Variants in TET2 observed in about 807,000 individuals in gnomAD.
TET2 encodes the protein tet methylcytosine dioxygenase 2.
A neutral mutation model predicts 142.9 loss-of-function variants in TET2; 299 were observed. The observed-to-expected ratio is 2.09, with a 90% CI of 1.90 to 2.30. The LOEUF is 2.30. Ranked by LOEUF, TET2 falls within the 30% of genes most tolerant of loss-of-function variation. TET2 has a pLI of 0.00. For missense variants in TET2, 2,418 were observed against 2,378.0 expected, an observed-to-expected ratio of 1.02 and a Z score of -0.35; for synonymous variants, 819 against 849.0, an observed-to-expected ratio of 0.96 and a Z score of 0.61.
At chr4:105,257,213 C>T (rs1455927363) in intron 6 of TET2, among the ~76,000 whole-genome samples, 1 of 152,124 alleles carries the variant, frequency 6.6e-6, no homozygotes, top group African/African-American at 2.4e-5. Context: ...GCAGGAGCAT[C>T]ACTTAAGCCC....
intron 2 of TET2, among the ~76,000 whole-genome samples, chr4:105,233,402 G>T (rs79619992): frequency 5.5e-5 from 3 of 54,776 alleles, no homozygotes; most frequent in Admixed American, 1.5e-4. Context: ...AAAAAAAAAA[G>T]CTACTGCAGT....
Position 105,236,189 on chromosome 4 carries a change from A to C in TET2, c.2247A>C (p.Gln749His). 6.2e-7 allele frequency: 1 copy of C among 1,614,058 alleles called. No individual in the cohort carries two copies. The highest frequency in any genetic ancestry group is 1.1e-5 in the South Asian group (1 of 91,086). The change falls in exon 3 of 11, where the codon CAA (glutamine) becomes CAC (histidine). Residue 749 changes from glutamine to histidine, a missense_variant. By Grantham distance (24) the Gln-to-His change is conservative (BLOSUM62 0). Coordinates refer to ENST00000380013, the MANE Select transcript of TET2 (RefSeq NM_001127208.3). ...PQNQQQQQKL[Q>H]IKNKEEILQT... ...ACCAGCAACAGCAGCAAAAATTACA[A>C]ATAAAGAATAAAGAGGAAATACTCC...
intron 2 of TET2, among the ~76,000 whole-genome samples, chr4:105,229,065 G>C (rs1389315721): frequency 6.6e-6 from 1 of 152,076 alleles, no homozygotes; most frequent in African/African-American, 2.4e-5. Flanking sequence ...ATTTAAAATA[G>C]TTCAACATGT....
chr4:105,272,810 G>A lies in TET2; in HGVS notation c.4429G>A (p.Glu1477Lys). The change falls in exon 10 of 11, where the codon GAA becomes AAA. Residue 1477 changes from glutamate (E) to lysine (K), a missense_variant. Coordinates refer to ENST00000380013, the MANE Select transcript of TET2 (RefSeq NM_001127208.3). ...ACTAGAAGCCAAGAAAGCTGCAGCT[G>A]AAAAGCTTTCCTCCCTGGAGAACAG... ...RKLEAKKAAA[E>K]KLSSLENSSN... The A allele has an allele frequency of 6.4e-7, 1 of 1,551,638 alleles. No individual in the cohort carries two copies. The highest frequency in any genetic ancestry group is 1.4e-5 in the African/African-American group (1 of 73,142).
Position 105,259,749 on chromosome 4 carries a change from CT to C in TET2, c.3936del (p.Asp1314MetfsTer49). On this transcript the variant is annotated frameshift_variant, in exon 7 of 11. Coordinates refer to ENST00000380013, the MANE Select transcript of TET2 (RefSeq NM_001127208.3). LOFTEE classifies it high-confidence loss of function. ...RSKIPRKFKL[L>X]GDDPKEEEKL... ...CAAGATCCCAAGGAAGTTTAAGCTG[CT>C]TGGGGATGACCCAAAAGAGGTTTGT... The C allele has an allele frequency of 6.4e-7, 1 of 1,550,794 alleles. No homozygotes were observed. The highest frequency in any genetic ancestry group is 8.7e-7 in the Non-Finnish European group (1 of 1,146,388).
chr4:105,273,129 C>A (rs536584973), intron 10 of TET2, among the ~76,000 whole-genome samples: 68 of 152,264 alleles, frequency 4.5e-4, no homozygotes, highest in Admixed American at 7.2e-4. Context: ...TCCTGATGCA[C>A]CCCTACCAAT....
chr4:105,157,915 G>A (rs1723647369), intron 1 of TET2, among the ~76,000 whole-genome samples: 1 of 152,134 alleles, frequency 6.6e-6, no homozygotes, highest in Non-Finnish European at 1.5e-5. Context: ...GACCTCTAGT[G>A]ATCCACCCCC....
intron 1 of TET2, among the ~76,000 whole-genome samples, chr4:105,168,937 G>A (rs1331595131): frequency 2.6e-5 from 4 of 152,278 alleles, no homozygotes; most frequent in Non-Finnish European, 4.4e-5. Flanking sequence ...TTATGGCTGA[G>A]TAGTATTCCA....
intron 1 of TET2, among the ~76,000 whole-genome samples, chr4:105,158,148 G>A (rs1478819649): frequency 6.6e-6 from 1 of 152,108 alleles, no homozygotes; most frequent in Non-Finnish European, 1.5e-5. Flanking sequence ...TCTAGGGTAT[G>A]GCATTTTAAA....
At chr4:105,169,854 T>A (rs558813197) in intron 1 of TET2, among the ~76,000 whole-genome samples, 2 of 152,072 alleles carry the variant, frequency 1.3e-5, no homozygotes, top group Non-Finnish European at 2.9e-5. Flanking sequence ...ACCTACTAAT[T>A]TATGTTTTTG....
Position 105,234,224 on chromosome 4 carries a change from A to G in TET2, c.282A>G (p.Ile94Met), listed in dbSNP as rs751546312. ...CCAAGTGTTTGCAAAATGGAGGAATAAAACGCACAGTTAGTGAACCTTCTC... is the reference window on the plus strand; with the variant it reads ...CCAAGTGTTTGCAAAATGGAGGAATGAAACGCACAGTTAGTGAACCTTCTC... The part of the protein sequence containing the change: ...GYSKCLQNGG[I>M]KRTVSEPSLS... The change falls in exon 3 of 11, where the codon ATA becomes ATG. Residue 94 changes from isoleucine to methionine, a missense_variant. By Grantham distance (10) the Ile-to-Met change is conservative (BLOSUM62 1). Transcript: ENST00000380013. The G allele has an allele frequency of 6.2e-7, 1 of 1,614,058 alleles. No individual in the cohort carries two copies. Among genetic ancestry groups the G allele is most frequent in the Non-Finnish European group, 8.5e-7 (1 of 1,180,028 alleles).
intron 2 of TET2, among the ~76,000 whole-genome samples, chr4:105,225,186 G>A (rs190464422): frequency 0.039 from 508 of 12,966 alleles, 2 homozygotes; most frequent in South Asian, 0.067. Context: ...GTAAAAAATC[G>A]TGTGTGTGTG....
intron 2 of TET2, among the ~76,000 whole-genome samples, chr4:105,199,913 T>TAA (rs1450485095): frequency 1.3e-4 from 20 of 151,580 alleles, no homozygotes; most frequent in African/African-American, 3.4e-4. Flanking sequence ...GGTGTATATA[T>TAA]AACACAGTTT....
chr4:105,244,969 C>G (rs1317958942), intron 6 of TET2, among the ~76,000 whole-genome samples: 1 of 152,156 alleles, frequency 6.6e-6, no homozygotes, highest in Admixed American at 6.5e-5. Flanking sequence ...GTGTCTTTTT[C>G]TCTGCATCCA....
chr4:105,160,956 A>G (rs1427411014), intron 1 of TET2, among the ~76,000 whole-genome samples: 3 of 152,094 alleles, frequency 2.0e-5, no homozygotes, highest in African/African-American at 2.4e-5. Context: ...TTGTATTTTT[A>G]GTAGAGGCGG....
chr4:105,203,479 A>T (rs1437054806), intron 2 of TET2, among the ~76,000 whole-genome samples: 1 of 152,002 alleles, frequency 6.6e-6, no homozygotes, highest in Non-Finnish European at 1.5e-5. Flanking sequence ...TATACAATAC[A>T]TTACATTTTG....
intron 1 of TET2, among the ~76,000 whole-genome samples, chr4:105,160,159 C>G (rs1356184045): frequency 6.6e-6 from 1 of 152,122 alleles, no homozygotes; most frequent in African/African-American, 2.4e-5. Context: ...CTCCCCTTTC[C>G]CCATCCTCTG....
In TET2 at chr4:105,277,907, C is replaced by A; in HGVS notation, c.*1388C>A. On this transcript the variant is annotated 3_prime_UTR_variant, in exon 11 of 11. Transcript: ENST00000380013. ...GTGTTGATAATTATGTACATTGTGA[C>A]GTTGTCATTTCTTAGCTTAAGTGTC... is the stretch of plus-strand genomic sequence containing the variant. 4.6e-6 allele frequency: 1 copy of A among 217,934 alleles called. No homozygotes were observed. Among genetic ancestry groups the A allele is most frequent in the East Asian group, 6.7e-5 (1 of 14,886 alleles). 13.5% of individuals were successfully genotyped at this position (217,934 alleles called of 1,614,324 possible).
At chr4:105,207,410 C>A (rs192135984) in intron 2 of TET2, among the ~76,000 whole-genome samples, 9 of 152,250 alleles carry the variant, frequency 5.9e-5, no homozygotes, top group African/African-American at 1.9e-4. Flanking sequence ...GAAGTCCTTT[C>A]AGAATAGCCA....
Sources: gnomAD v4.1 joint callset for allele counts (sites outside exome capture counted in the v4.1 genomes callset) on GRCh38, gnomAD v4.1.1 for gene constraint, MANE v1.5 for transcripts, NCBI Gene and HGNC (gene_info 2026-07-23, HGNC 2026-07-21) for gene names.